Variants in ZNF536 observed in about 807,000 individuals in gnomAD.
The protein encoded by ZNF536 is zinc finger protein 536.
A neutral mutation model predicts 84.5 loss-of-function variants in ZNF536; 13 were observed. The ratio of observed to expected loss-of-function variants is 0.15; its 90% CI spans 0.10 to 0.24. The LOEUF is 0.24. Among genes scored for constraint, ZNF536 ranks in the 10% least tolerant of loss-of-function variants. ZNF536 has a pLI of 1.00. For missense variants in ZNF536, 1,536 were observed against 1,747.5 expected, an observed-to-expected ratio of 0.88 and a Z score of 2.16; for synonymous variants, 811 against 742.5, an observed-to-expected ratio of 1.09 and a Z score of -1.50.
intron 2 of ZNF536, among the ~76,000 whole-genome samples, chr19:30,319,488 A>G (rs761370485): frequency 6.6e-6 from 1 of 152,232 alleles, no homozygotes; most frequent in Non-Finnish European, 1.5e-5. Context: ...CAAAATTGTG[A>G]TTAGCCAGCC....
At chr19:30,374,779 G>C (rs1274956871) in intron 1 of ZNF536, among the ~76,000 whole-genome samples, 1 of 151,832 alleles carries the variant, frequency 6.6e-6, no homozygotes, top group African/African-American at 2.4e-5. Context: ...AGGGAGGCCG[G>C]GGGAGCTGCG....
chr19:30,486,794 A>G (rs890497100), intron 2 of ZNF536, among the ~76,000 whole-genome samples: 1 of 152,142 alleles, frequency 6.6e-6, no homozygotes, highest in African/African-American at 2.4e-5. Context: ...TGTATTTTCT[A>G]TAATAACTCA....
chr19:30,424,850 C>T (rs751117698), intron 1 of ZNF536, among the ~76,000 whole-genome samples: 3 of 152,036 alleles, frequency 2.0e-5, no homozygotes, highest in Non-Finnish European at 4.4e-5. Context: ...TGCTTGGTGA[C>T]CATGGTGGAG....
rs3084731 is a variant in ZNF536 at position 30,458,447 on chromosome 19, GT to G, written c.2170+12738del. On this transcript the variant is annotated intron_variant, in intron 2 of 4. Transcript: ENST00000355537. ...CCAAGTATTTCCTCAATTTCCTGCTGTTTTTTTTTTTTTTTTTTTTTTTGAC... is the reference window on the plus strand; with the variant it reads ...CCAAGTATTTCCTCAATTTCCTGCTGTTTTTTTTTTTTTTTTTTTTTTGAC... Among the ~76,000 whole-genome samples the G allele has an allele frequency of 4.5e-3, 375 of 83,488 alleles. 3 individuals carry two copies. Among genetic ancestry groups the G allele is most frequent in the South Asian group, 0.011 (25 of 2,320 alleles). The allele number at this position is 83,488 out of a possible 152,430, so 54.8% of individuals were successfully genotyped here. A position where few individuals can be genotyped will look rare whatever the true frequency, so the allele number is the denominator to read the frequency against.
At chr19:30,324,034 CA>C (rs1255591327) in intron 2 of ZNF536, among the ~76,000 whole-genome samples, 1 of 151,990 alleles carries the variant, frequency 6.6e-6, no homozygotes, top group Admixed American at 6.6e-5. Flanking sequence ...TCCACCCACC[CA>C]TCCTCCATCC....
At chr19:30,654,865 C>T (rs1008340116) in intron 1 of ZNF536, among the ~76,000 whole-genome samples, 9 of 151,702 alleles carry the variant, frequency 5.9e-5, no homozygotes, top group Non-Finnish European at 5.9e-5. Flanking sequence ...GCAAAGCCAC[C>T]GTGCTTACAG....
chr19:30,433,697 A>G (rs1016267199), intron 1 of ZNF536, among the ~76,000 whole-genome samples: 9 of 152,128 alleles, frequency 5.9e-5, no homozygotes, highest in Non-Finnish European at 8.8e-5. Flanking sequence ...GGGTAACTCC[A>G]TGTTGGTCAG....
intron 1 of ZNF536, among the ~76,000 whole-genome samples, chr19:30,396,188 C>T (rs933036738): frequency 7.2e-5 from 11 of 152,080 alleles, no homozygotes; most frequent in Admixed American, 5.9e-4. Context: ...ACCAAAAATC[C>T]CAGCCTTTTA....
At chr19:30,405,353 C>T (rs984514653) in intron 1 of ZNF536, among the ~76,000 whole-genome samples, 2 of 152,198 alleles carry the variant, frequency 1.3e-5, no homozygotes, top group African/African-American at 4.8e-5. Context: ...AAGACTCTGA[C>T]AGGGACCATG....
chr19:30,555,696 G>A (rs2045940990), intron 4 of ZNF536: 1 of 152,244 alleles, frequency 6.6e-6, no homozygotes, highest in Non-Finnish European at 1.5e-5. Flanking sequence ...AATACACAGT[G>A]AGGGCCGCAT....
rs116558879 is a variant in ZNF536, at chr19:30,299,314, G to A, written c.-120+15173G>A. 2.1e-3 allele frequency among the ~76,000 whole-genome samples: 318 copies of A among 152,218 alleles called. 2 individuals carry two copies. The highest frequency in any genetic ancestry group is 7.2e-3 in the African/African-American group (301 of 41,558). ...TCATCTGTTGATTTAGAAATCTGGGGCCTTTATGAATCTTGCATGAATATT... is the reference window on the plus strand; with the variant it reads ...TCATCTGTTGATTTAGAAATCTGGGACCTTTATGAATCTTGCATGAATATT... On this transcript the variant is annotated intron_variant, in intron 2 of 5. Transcript: ENST00000585628.
At chr19:30,387,161 A>G (rs150172526) in intron 1 of ZNF536, among the ~76,000 whole-genome samples, 166 of 152,318 alleles carry the variant, frequency 1.1e-3, no homozygotes, top group African/African-American at 3.8e-3. Flanking sequence ...ATGGGCTCCA[A>G]TGTCCCTTGG....
chr19:30,266,729 G>A (rs1446688768), intron 1 of ZNF536, among the ~76,000 whole-genome samples: 3 of 152,162 alleles, frequency 2.0e-5, no homozygotes, highest in Admixed American at 6.5e-5. Context: ...TCCCAACTGT[G>A]CCTTTGGTGA....
At chr19:30,695,674 A>G (rs968795650) in intron 1 of ZNF536, among the ~76,000 whole-genome samples, 6 of 152,240 alleles carry the variant, frequency 3.9e-5, no homozygotes, top group African/African-American at 9.6e-5. Flanking sequence ...ATGGATGGCT[A>G]TAGAGGAGGG....
intron 1 of ZNF536, among the ~76,000 whole-genome samples, chr19:30,406,899 C>T (rs1320023050): frequency 4.6e-5 from 7 of 152,086 alleles, no homozygotes; most frequent in Non-Finnish European, 8.8e-5. Context: ...GAAAGAGATG[C>T]GAGCAGAGGA....
intron 3 of ZNF536, among the ~76,000 whole-genome samples, chr19:30,540,914 C>G (rs1224084281): frequency 1.3e-5 from 2 of 152,252 alleles, no homozygotes; most frequent in Non-Finnish European, 2.9e-5. Flanking sequence ...CAGACTGGCC[C>G]CAGGCCAGGC....
chr19:30,691,267 A>G (rs925504396), intron 1 of ZNF536, among the ~76,000 whole-genome samples: 3 of 152,120 alleles, frequency 2.0e-5, no homozygotes, highest in African/African-American at 4.8e-5. Context: ...CCACATGCAC[A>G]TGAAAAAAGG....
rs752197056 is a variant in ZNF536, at chr19:30,444,260, C to A, written c.698C>A (p.Ala233Asp). Residue 233 changes from alanine (A) to aspartate (D), a missense_variant, in exon 2 of 5, where the codon GCC becomes GAC. Around this residue, in one of 8 missense-constraint regions of ZNF536, gnomAD observed 138 missense variants for 136.8 expected, o/e 1.01. Transcript: ENST00000355537. ...AAGCCCCCGCCGCACGCCCAGCAGG[C>A]CCCGCTGGCCGCCTGCACCCTGGCC... is the stretch of plus-strand genomic sequence containing the variant. ...DLKPPPHAQQAPLAACTLALQ... is the reference protein window; with the variant it reads ...DLKPPPHAQQDPLAACTLALQ... 1 of 1,551,620 alleles carries A rather than the reference C, an allele frequency of 6.4e-7. No individual in the cohort carries two copies. Among genetic ancestry groups the A allele is most frequent in the Admixed American group, 1.9e-5 (1 of 52,978 alleles).
chr19:30,520,279 G>C (rs780781578), intron 2 of ZNF536, among the ~76,000 whole-genome samples: 3 of 152,150 alleles, frequency 2.0e-5, no homozygotes, highest in African/African-American at 4.8e-5. Flanking sequence ...ATGTGTTCTC[G>C]GGGTAGGGGA....
Sources: allele counts gnomAD v4.1 joint callset (sites outside exome capture counted in the v4.1 genomes callset), GRCh38; gene constraint gnomAD v4.1.1; regional missense constraint gnomAD v4.1.1; transcripts MANE v1.5; gene names NCBI Gene and HGNC (gene_info 2026-07-23, HGNC 2026-07-21).